CYGB: variants seen among roughly 807,000 people sequenced by gnomAD.
CYGB encodes the protein histoglobin.
In CYGB, 13 loss-of-function variants were observed where a neutral mutation model predicts 20.7. That is an observed-to-expected ratio of 0.63 (90% CI 0.41 to 1.00). The LOEUF is 1.00. CYGB is among the 50% of genes least tolerant of loss of function. The pLI, the probability that CYGB is intolerant of heterozygous loss-of-function variation, is 0.00. For missense variants in CYGB, 218 were observed against 257.2 expected, an observed-to-expected ratio of 0.85 and a Z score of 1.04; for synonymous variants, 93 against 107.4, an observed-to-expected ratio of 0.87 and a Z score of 0.83.
At chr17:76,532,630 C>T (rs1040620699) in intron 1 of CYGB, among the ~76,000 whole-genome samples, 2 of 148,396 alleles carry the variant, frequency 1.3e-5, no homozygotes. Flanking sequence ...CTCCTGGGTT[C>T]AAGTGATTCT....
At chr17:76,538,508 G>A (rs1168766640), upstream of CYGB, 21 of 466,982 alleles carry the variant, frequency 4.5e-5, no homozygotes, top group Non-Finnish European at 3.1e-5. Flanking sequence ...ACACGGACAG[G>A]CAAGAACCAG....
At position 76,537,369 on chromosome 17, in the gene CYGB, C is replaced by A. The variant is rs202171551; in HGVS notation, c.143+31G>T. 1,441 of 1,566,608 alleles carry A rather than the reference C, an allele frequency of 9.2e-4. 1 individual carries two copies. The highest frequency in any genetic ancestry group is 2.0e-3 in the Admixed American group (111 of 55,530). On this transcript the variant is annotated intron_variant, in intron 1 of 3. Transcript: ENST00000293230. ...CCGGAGCCGCTGCCGCCCTCCCTGC[C>A]CAGGGCCCGGCCGGGCCGGGCGACA...
In CYGB at chr17:76,528,132, G is replaced by GTA. The variant is rs1177295031; in HGVS notation, c.*444_*445dup. On this transcript the variant is annotated 3_prime_UTR_variant, in exon 4 of 4. Transcript: ENST00000293230. This position sits in a 1 kb window ranked among gnomAD's most constrained non-coding sequence, Gnocchi z 5.8. ...GATATGTATGTGTGTATATATATATGTATATATATATTTATATATAGCTCG... is the reference window on the plus strand; with the variant it reads ...GATATGTATGTGTGTATATATATATGTATATATATATATTTATATATAGCTCG... The GTA allele has an allele frequency of 2.4e-4, 81 of 333,650 alleles. No individual in the cohort carries two copies. Among genetic ancestry groups the GTA allele is most frequent in the Middle Eastern group, 2.3e-3 (3 of 1,280 alleles). The allele number at this position is 333,650 out of a possible 1,614,324, so 20.7% of individuals were successfully genotyped here. A position where few individuals can be genotyped will look rare whatever the true frequency, so the allele number is the denominator to read the frequency against.
At chr17:76,529,884 C>T (rs1598200972) in intron 3 of CYGB, 6 of 985,254 alleles carry the variant, frequency 6.1e-6, no homozygotes, top group South Asian at 4.7e-5. Context: ...CCGAGGACTC[C>T]ACTCTCTTGG....
rs573531336 is a variant in CYGB, at chr17:76,548,198, C to T, written c.-53+2664G>A. Among the ~76,000 whole-genome samples the T allele has an allele frequency of 9.9e-4, 150 of 152,066 alleles. 1 individual carries two copies. The highest frequency in any genetic ancestry group is 3.5e-3 in the African/African-American group (145 of 41,492). ...ATACACCGACACATACACATTTACACACATACAGACATATACACTTATAGA... is the reference window on the plus strand; with the variant it reads ...ATACACCGACACATACACATTTACATACATACAGACATATACACTTATAGA... On this transcript the variant is annotated intron_variant, in intron 1 of 3. Coordinates refer to the CYGB transcript ENST00000589145.
intron 1 of CYGB, chr17:76,542,744 G>C (rs2075006908): frequency 4.1e-6 from 3 of 731,286 alleles, no homozygotes; most frequent in Non-Finnish European, 7.4e-6. Flanking sequence ...TTCAGCTCTT[G>C]CCACTGATGG....
At chr17:76,536,090 C>A (rs9789010) in intron 1 of CYGB, among the ~76,000 whole-genome samples, 148,887 of 152,224 alleles carry the variant, frequency 0.98, 72,899 homozygotes, top group Middle Eastern at 1. Flanking sequence ...GCGTCTGAGG[C>A]CCTAGTATCC....
At chr17:76,538,657 C>T (rs568013438), upstream of CYGB, 10 of 348,156 alleles carry the variant, frequency 2.9e-5, no homozygotes, top group Non-Finnish European at 5.4e-5. Context: ...ACCAAGGGCC[C>T]GATTCCGGGC....
chr17:76,539,533 C>G (rs1031349070), upstream of CYGB, among the ~76,000 whole-genome samples: 1 of 152,236 alleles, frequency 6.6e-6, no homozygotes, highest in African/African-American at 2.4e-5. Flanking sequence ...TCCCGTCTCT[C>G]TGGCTTCATT....
upstream of CYGB, chr17:76,540,573 G>C: frequency 6.2e-7 from 1 of 1,613,354 alleles, no homozygotes; most frequent in Non-Finnish European, 8.5e-7. The surrounding 1 kb of genome is among the most constrained non-coding windows in gnomAD (Gnocchi z 5.0). Flanking sequence ...TCCTCAGGCA[G>C]GTAAGGCAGG....
At chr17:76,543,461 A>C (rs1302334393) in intron 1 of CYGB, 4 of 340,754 alleles carry the variant, frequency 1.2e-5, no homozygotes, top group Non-Finnish European at 2.3e-5. Context: ...TTCATTCTGT[A>C]ATTTAATCTT....
Position 76,528,530 on chromosome 17 carries a change from G to C in CYGB, c.*48C>G. 2 of 1,277,124 alleles carry C rather than the reference G, an allele frequency of 1.6e-6. No homozygotes were observed. Among genetic ancestry groups the C allele is most frequent in the Non-Finnish European group, 1.0e-6 (1 of 998,824 alleles). The allele number at this position is 1,277,124 out of a possible 1,614,324, so 79.1% of individuals were successfully genotyped here. ...GCGTCAAGGAGGGTCTTCAGAACTC[G>C]GCCTTCTGCTCGAGGTGCTGCCAGG... On this transcript the variant is annotated 3_prime_UTR_variant, in exon 4 of 4. Coordinates refer to ENST00000293230, the MANE Select transcript of CYGB (RefSeq NM_134268.5). The surrounding 1 kb of genome is among the most constrained non-coding windows in gnomAD (Gnocchi z 5.8).
Position 76,530,945 on chromosome 17 carries a change from A to G in CYGB, c.539+34T>C, listed in dbSNP as rs1042010509. 1.3e-6 allele frequency: 2 copies of G among 1,528,940 alleles called. No individual in the cohort carries two copies. Among genetic ancestry groups the G allele is most frequent in the South Asian group, 2.5e-5 (2 of 81,138 alleles). The allele number at this position is 1,528,940 out of a possible 1,614,324, so 94.7% of individuals were successfully genotyped here. On this transcript the variant is annotated intron_variant, in intron 3 of 3. Transcript: ENST00000293230. This position sits in a 1 kb window ranked among gnomAD's most constrained non-coding sequence, Gnocchi z 6.1. ...GGGGACAGCAGAGGACATGGCGGGG[A>G]GGCTGCCCAGCCCACCCTCGCCCGC...
chr17:76,529,980 C>G, intron 3 of CYGB: 2 of 985,302 alleles, frequency 2.0e-6, no homozygotes, highest in Non-Finnish European at 2.4e-6. Context: ...GGAGGCCTGG[C>G]GTCCCCAGCT....
In CYGB at chr17:76,531,621, T is replaced by C. The variant is rs771337133; in HGVS notation, c.214A>G (p.Met72Val). Residue 72 changes from methionine to valine, a missense_variant, in exon 2 of 4, where the codon ATG becomes GTG. Met to Val is a conservative substitution (Grantham distance 21). Coordinates refer to ENST00000293230, the MANE Select transcript of CYGB (RefSeq NM_134268.5). The surrounding 1 kb of genome is among the most constrained non-coding windows in gnomAD (Gnocchi z 7.4). ...QFKHMEDPLE[M>V]ERSPQLRKHA... ...TTCCGCAGCTGGGGGCTCCGCTCCA[T>C]CTCCAGGGGATCCTCCATGTGCTTG... The C allele has an allele frequency of 1.9e-6, 3 of 1,613,164 alleles. No homozygotes were observed. Among genetic ancestry groups the C allele is most frequent in the South Asian group, 1.1e-5 (1 of 91,064 alleles).
chr17:76,536,045 T>G (rs576545300), intron 1 of CYGB, among the ~76,000 whole-genome samples: 1 of 152,134 alleles, frequency 6.6e-6, no homozygotes, highest in Non-Finnish European at 1.5e-5. Flanking sequence ...TGTGCTTGTG[T>G]GGGTGCCAGC....
intron 1 of CYGB, among the ~76,000 whole-genome samples, chr17:76,548,401 G>T (rs894607369): frequency 2.0e-5 from 3 of 152,220 alleles, no homozygotes; most frequent in African/African-American, 4.8e-5. Flanking sequence ...TAACAAGCGT[G>T]TCCTGGGAAC....
In CYGB at chr17:76,528,809, T is replaced by C; in HGVS notation, c.540-198A>G. 1 of 1,107,744 alleles carries C rather than the reference T, an allele frequency of 9.0e-7. No individual in the cohort carries two copies. The highest frequency in any genetic ancestry group is 1.1e-6 in the Non-Finnish European group (1 of 871,830). The allele number at this position is 1,107,744 out of a possible 1,614,324, so 68.6% of individuals were successfully genotyped here. A position where few individuals can be genotyped will look rare whatever the true frequency, so the allele number is the denominator to read the frequency against. On this transcript the variant is annotated intron_variant, in intron 3 of 3. Transcript: ENST00000293230. This position sits in a 1 kb window ranked among gnomAD's most constrained non-coding sequence, Gnocchi z 5.8. ...CGTGCTGTGTGATCTCAGGCAAGTC[T>C]ACTGGCCCATGGGAGCTCCGGATCT...
upstream of CYGB, chr17:76,542,455 G>T: frequency 7.2e-7 from 1 of 1,387,996 alleles, no homozygotes; most frequent in South Asian, 1.2e-5. Flanking sequence ...TCAATATTGG[G>T]GTGAATTGAT....
Sources: allele counts gnomAD v4.1 joint callset (sites outside exome capture counted in the v4.1 genomes callset), GRCh38; gene constraint gnomAD v4.1.1; non-coding constraint Gnocchi (gnomAD v3.1); transcripts MANE v1.5; gene names NCBI Gene and HGNC (gene_info 2026-07-23, HGNC 2026-07-21).